The following SHISA9 variants were observed in gnomAD, a reference collection of about 807,000 sequenced individuals.
The protein encoded by SHISA9 is protein shisa-9.
SHISA9 carries 13 observed loss-of-function variants against 38.0 expected under a neutral mutation model. The observed-to-expected ratio is 0.34, with a 90% confidence interval of 0.22 to 0.54. The LOEUF (loss-of-function observed/expected upper bound fraction) is 0.54. SHISA9 is among the 20% of genes least tolerant of loss of function. The pLI is 0.91. For synonymous variants in SHISA9, 275 were observed against 242.0 expected, an observed-to-expected ratio of 1.14 and a Z score of -1.27; for missense variants, 538 against 575.8, an observed-to-expected ratio of 0.93 and a Z score of 0.67.
chr16:12,913,350 C>A (rs912042993), intron 1 of SHISA9, among the ~76,000 whole-genome samples: 5 of 152,062 alleles, frequency 3.3e-5, no homozygotes, highest in Non-Finnish European at 7.4e-5. Flanking sequence ...GTGCCCACCA[C>A]CACGCCCAGC....
At chr16:13,298,867 C>T in the SHISA9 span, among the ~76,000 whole-genome samples, 1 of 152,182 alleles carries the variant, frequency 6.6e-6, no homozygotes, top group Non-Finnish European at 1.5e-5. Context: ...CACCACAGGG[C>T]TTGGTTAGTC....
chr16:13,095,520 C>T (rs554894649), intron 2 of SHISA9, among the ~76,000 whole-genome samples: 70 of 152,328 alleles, frequency 4.6e-4, no homozygotes, highest in African/African-American at 1.5e-3. Flanking sequence ...TTCCAGTATC[C>T]TCCTCAGAAC....
intron 2 of SHISA9, among the ~76,000 whole-genome samples, chr16:12,950,002 C>T (rs1385432229): frequency 6.6e-6 from 1 of 152,178 alleles, no homozygotes. Flanking sequence ...CATTAACCAA[C>T]TTTTCCCCAT....
chr16:13,297,839 C>A, the SHISA9 span, among the ~76,000 whole-genome samples: 1 of 152,188 alleles, frequency 6.6e-6, no homozygotes, highest in Non-Finnish European at 1.5e-5. Context: ...TCACTGCAAC[C>A]TCTACCTCCG....
At chr16:12,950,861 G>GA (rs1414593237) in intron 2 of SHISA9, among the ~76,000 whole-genome samples, 3 of 151,466 alleles carry the variant, frequency 2.0e-5, no homozygotes, top group Non-Finnish European at 4.4e-5. Context: ...ACCCACCTCA[G>GA]CCTCCAAAAG....
At chr16:13,112,997 G>A (rs146279663) in intron 2 of SHISA9, among the ~76,000 whole-genome samples, 89 of 152,010 alleles carry the variant, frequency 5.9e-4, no homozygotes, top group African/African-American at 2.0e-3. Context: ...ATCACTTGAC[G>A]TCAGAGGTTT....
At chr16:13,389,874 G>T in the SHISA9 span, among the ~76,000 whole-genome samples, 1 of 152,188 alleles carries the variant, frequency 6.6e-6, no homozygotes, top group Admixed American at 6.5e-5. Flanking sequence ...GCCCCTAAAG[G>T]GTTGGCACTC....
chr16:13,057,221 C>T (rs1003860356), intron 2 of SHISA9, among the ~76,000 whole-genome samples: 38 of 152,078 alleles, frequency 2.5e-4, no homozygotes, highest in Non-Finnish European at 4.9e-4. Flanking sequence ...AACAATAGAA[C>T]GTTCATGGAT....
At chr16:13,202,921 T>G (rs1370533770) in intron 2 of SHISA9, among the ~76,000 whole-genome samples, 2 of 152,192 alleles carry the variant, frequency 1.3e-5, no homozygotes, top group African/African-American at 4.8e-5. Flanking sequence ...TATAGGAAAT[T>G]GCATGTCCAC....
intron 2 of SHISA9, among the ~76,000 whole-genome samples, chr16:12,965,042 T>C (rs1287000914): frequency 6.6e-6 from 1 of 152,124 alleles, no homozygotes; most frequent in Non-Finnish European, 1.5e-5. Flanking sequence ...TATCTATATA[T>C]ACACACACAT....
the SHISA9 span, among the ~76,000 whole-genome samples, chr16:13,445,750 T>C: frequency 6.6e-6 from 1 of 152,210 alleles, no homozygotes. Context: ...TCATGGGTTC[T>C]ACTTGAAGCC....
At chr16:13,217,569 A>G (rs2051182626) in intron 4 of SHISA9, among the ~76,000 whole-genome samples, 1 of 152,254 alleles carries the variant, frequency 6.6e-6, no homozygotes, top group Middle Eastern at 3.4e-3. Flanking sequence ...CATTGCTCCA[A>G]TAGAGGAAAT....
the SHISA9 span, among the ~76,000 whole-genome samples, chr16:13,377,401 A>G: frequency 6.6e-6 from 1 of 152,294 alleles, no homozygotes; most frequent in Admixed American, 6.5e-5. Context: ...TACATTTCAA[A>G]CATCGTATTT....
the SHISA9 span, among the ~76,000 whole-genome samples, chr16:13,394,936 T>G: frequency 4.1e-5 from 6 of 147,284 alleles, no homozygotes; most frequent in East Asian, 4.0e-4. Flanking sequence ...GGGGTGTGTG[T>G]GTGTGTGTGT....
chr16:13,377,537 C>T, the SHISA9 span, among the ~76,000 whole-genome samples: 1 of 152,154 alleles, frequency 6.6e-6, no homozygotes, highest in East Asian at 1.9e-4. Flanking sequence ...ATACCTATGC[C>T]ACCCATGGAT....
the SHISA9 span, among the ~76,000 whole-genome samples, chr16:13,267,599 T>G: frequency 1.3e-5 from 2 of 152,134 alleles, no homozygotes; most frequent in South Asian, 2.1e-4. Context: ...TGTGGTGGTG[T>G]TATTTATAAT....
chr16:12,904,137 C>T (rs901721369), intron 1 of SHISA9, among the ~76,000 whole-genome samples: 1 of 152,098 alleles, frequency 6.6e-6, no homozygotes, highest in Non-Finnish European at 1.5e-5. Context: ...CACAGGGTGG[C>T]CTGTCCCCAG....
chr16:13,193,766 C>A (rs1284418740), intron 2 of SHISA9, among the ~76,000 whole-genome samples: 1 of 152,138 alleles, frequency 6.6e-6, no homozygotes, highest in Non-Finnish European at 1.5e-5. Context: ...TGTGTAGGGC[C>A]CATTGCCCCA....
rs1311517290 is a variant in SHISA9 at position 13,203,549 on chromosome 16, G to T, written c.847G>T (p.Gly283Ter). Residue 283 changes from glycine to a stop codon, truncating the protein, a stop_gained and splice_region_variant, in exon 3 of 5, where the codon GGA (glycine) becomes TGA (stop). Coordinates refer to ENST00000558583, the MANE Select transcript of SHISA9 (RefSeq NM_001145204.3). LOFTEE classifies it high-confidence loss of function. ...CAAGTACGCCTCCTTAAAGGCAGTC[G>T]GTAAGTGCCACCTGATGGATCTTTT... ...LNKYASLKAV[G>*]SSDGDWAVST... The T allele has an allele frequency of 1.3e-6, 2 of 1,525,038 alleles. No homozygotes were observed. The allele number at this position is 1,525,038 out of a possible 1,614,324, so 94.5% of individuals were successfully genotyped here. A position where few individuals can be genotyped will look rare whatever the true frequency, so the allele number is the denominator to read the frequency against.
Sources: gnomAD v4.1 joint callset for allele counts (sites outside exome capture counted in the v4.1 genomes callset) on GRCh38, gnomAD v4.1.1 for gene constraint, MANE v1.5 for transcripts, NCBI Gene and HGNC (gene_info 2026-07-23, HGNC 2026-07-21) for gene names.